CFHR3: variants seen among roughly 807,000 people sequenced by gnomAD.
CFHR3 encodes the protein complement factor H related 3.
Under a neutral mutation model 36.0 loss-of-function variants are expected in CFHR3, and 22 were observed. The observed-to-expected ratio is 0.61, with a 90% CI of 0.44 to 0.87. The LOEUF (loss-of-function observed/expected upper bound fraction) is 0.87. CFHR3 is among the 40% of genes least tolerant of loss of function. CFHR3 has a pLI of 0.00. For missense variants in CFHR3, 276 were observed against 401.3 expected (o/e 0.69, Z 2.67); for synonymous variants, 97 against 137.4 (o/e 0.71, Z 2.06).
At chr1:196,789,720 G>A in intron 4 of CFHR3, 1 of 1,453,146 alleles carries the variant, frequency 6.9e-7, no homozygotes, top group Non-Finnish European at 9.2e-7. Flanking sequence ...TCCATAGTGT[G>A]TGGTGAAGAT....
intron 3 of CFHR3, among the ~76,000 whole-genome samples, chr1:196,787,803 A>G (rs1045924797): frequency 7.3e-6 from 1 of 137,148 alleles, no homozygotes; most frequent in Non-Finnish European, 1.5e-5. Context: ...CTATGGTAGC[A>G]GGGTGTACCG....
intron 1 of CFHR3, among the ~76,000 whole-genome samples, chr1:196,777,251 A>G (rs1346513905): frequency 7.3e-6 from 1 of 137,228 alleles, no homozygotes; most frequent in Non-Finnish European, 1.5e-5. Context: ...CTTATTTAAA[A>G]ACAGGTTGTC....
In CFHR3 at chr1:196,786,072, G is replaced by T. The variant is rs1192761007; in HGVS notation, c.431-2144G>T. On this transcript the variant is annotated intron_variant, in intron 3 of 5. Transcript: ENST00000367425. ...TGGAGTTTGCTAGAGGTCCACTCTA[G>T]ACCCTGTTTGCCTGGGTATCTGCAG... Among the ~76,000 whole-genome samples, 3 of 136,778 alleles carry T rather than the reference G, an allele frequency of 2.2e-5. 1 individual carries two copies. The highest frequency in any genetic ancestry group is 6.1e-5 in the African/African-American group (2 of 32,632). 89.7% of individuals were successfully genotyped at this position (136,778 alleles called of 152,430 possible).
chr1:196,790,171 G>T lies in CFHR3; in HGVS notation c.740G>T (p.Gly247Val). ...TGCCAGCCCTACTATGAACTTCAGG[G>T]TTCTAATTATGTAACATGTAGTAAT... is the stretch of plus-strand genomic sequence containing the variant. ...YQCQPYYELQ[G>V]SNYVTCSNGE... Residue 247 changes from glycine (G) to valine (V), a missense_variant, in exon 5 of 6, where the codon GGT becomes GTT. This residue lies in a region of CFHR3 where 22 missense variants were observed against 74.3 expected (regional missense o/e 0.30). Transcript: ENST00000367425. 7.3e-7 allele frequency: 1 copy of T among 1,369,314 alleles called. No homozygotes were observed. The highest frequency in any genetic ancestry group is 9.7e-7 in the Non-Finnish European group (1 of 1,028,328). The allele number at this position is 1,369,314 out of a possible 1,614,324, so 84.8% of individuals were successfully genotyped here.
rs1243675836 is a variant in CFHR3 at position 196,792,881 on chromosome 1, A to G, written c.797-436A>G. Among the ~76,000 whole-genome samples, 10 of 137,362 alleles carry G rather than the reference A, an allele frequency of 7.3e-5. 2 individuals carry two copies. Among genetic ancestry groups the G allele is most frequent in the Admixed American group, 4.9e-4 (7 of 14,204 alleles). The allele number at this position is 137,362 out of a possible 152,430, so 90.1% of individuals were successfully genotyped here. ...TGTTTCTACATTGTGGGCATAAGAG[A>G]AAAATATAAACATAGAATTAAATTA... On this transcript the variant is annotated intron_variant, in intron 5 of 5. Transcript: ENST00000367425.
chr1:196,776,603 G>T lies in CFHR3; in HGVS notation c.58+1659G>T, dbSNP rs1485190949. ...ACCGTATAGGGAAAGATCACGCAAG[G>T]CATAGAGAGAAAACAACCATTTACA... On this transcript the variant is annotated intron_variant, in intron 1 of 5. Coordinates refer to ENST00000367425, the MANE Select transcript of CFHR3 (RefSeq NM_021023.6). 2.2e-5 allele frequency among the ~76,000 whole-genome samples: 3 copies of T among 135,936 alleles called. 1 individual carries two copies. Among genetic ancestry groups the T allele is most frequent in the Non-Finnish European group, 4.7e-5 (3 of 64,304 alleles). 89.2% of individuals were successfully genotyped at this position (135,936 alleles called of 152,430 possible).
chr1:196,779,472 T>A, intron 2 of CFHR3, 116 bp downstream of exon 2: 1 of 900,046 alleles, frequency 1.1e-6, no homozygotes, highest in Non-Finnish European at 1.7e-6. Context: ...AGAAATGAGT[T>A]GTTCAAGCAA....
chr1:196,794,728 A>C lies in CFHR3; in HGVS notation c.*1215A>C, dbSNP rs1367171616. On this transcript the variant is annotated 3_prime_UTR_variant, in exon 6 of 6. Transcript: ENST00000367425. Reference sequence around the variant, plus strand: ...TTGTATATCCCTGTTAACAAATTGAAATCTCTATTCACTTTAATAGATTTT... The same window carrying C: ...TTGTATATCCCTGTTAACAAATTGACATCTCTATTCACTTTAATAGATTTT... The C allele has an allele frequency of 3.5e-6, 1 of 283,984 alleles. No individual in the cohort carries two copies. The highest frequency in any genetic ancestry group is 2.9e-5 in the African/African-American group (1 of 34,140). The allele number at this position is 283,984 out of a possible 1,614,324, so 17.6% of individuals were successfully genotyped here.
At chr1:196,786,580 G>C (rs1336487742) in intron 3 of CFHR3, among the ~76,000 whole-genome samples, 2 of 136,044 alleles carry the variant, frequency 1.5e-5, no homozygotes, top group African/African-American at 6.2e-5. Flanking sequence ...CAATCAGAGA[G>C]ACTCCGTGGG....
intron 1 of CFHR3, among the ~76,000 whole-genome samples, chr1:196,776,972 C>G (rs1426086954): frequency 7.4e-6 from 1 of 134,422 alleles, no homozygotes; most frequent in African/African-American, 3.1e-5. Context: ...CTGTATTCAT[C>G]TATATTCAGA....
chr1:196,789,336 A>G, intron 4 of CFHR3: 1 of 891,832 alleles, frequency 1.1e-6, no homozygotes. Flanking sequence ...GATTATCTCA[A>G]TGTTATCATG....
chr1:196,782,740 C>A (rs560550988), intron 3 of CFHR3, among the ~76,000 whole-genome samples: 1 of 137,188 alleles, frequency 7.3e-6, no homozygotes, highest in South Asian at 2.5e-4. Flanking sequence ...ACAATCATGT[C>A]ACCTGCAAAC....
chr1:196,793,235 T>C, intron 5 of CFHR3, 82 bp from the exon 6 acceptor site: 4 of 1,214,390 alleles, frequency 3.3e-6, no homozygotes, highest in Non-Finnish European at 3.4e-6. Context: ...TTTTATTTTA[T>C]CCTAAACTAC....
At chr1:196,781,332 G>A (rs1389637714) in intron 3 of CFHR3, among the ~76,000 whole-genome samples, 2 of 135,396 alleles carry the variant, frequency 1.5e-5, no homozygotes, top group Non-Finnish European at 3.1e-5. Context: ...TGGGATGGCT[G>A]GGTCAAATGG....
chr1:196,775,037 CA>C lies in CFHR3; in HGVS notation c.58+96del. 4 of 1,109,624 alleles carry C rather than the reference CA, an allele frequency of 3.6e-6. 1 individual carries two copies. The highest frequency in any genetic ancestry group is 3.9e-6 in the Non-Finnish European group (3 of 763,502). 68.7% of individuals were successfully genotyped at this position (1,109,624 alleles called of 1,614,324 possible). A position where few individuals can be genotyped will look rare whatever the true frequency, so the allele number is the denominator to read the frequency against. ...GTATGTCTATAATTATTTTATGAAT[CA>C]AAGAGGATTTATTCACTATGCTAGT... On this transcript the variant is annotated intron_variant, in intron 1 of 5. Transcript: ENST00000367425.
In CFHR3 at chr1:196,793,212, G is replaced by T; in HGVS notation, c.797-105G>T. The stretch of plus-strand genomic sequence containing the variant: ...CAAGTTAATAACTATTAACTATTTG[G>T]ATTATTTTATAATTTTATTTTATCC... On this transcript the variant is annotated intron_variant, in intron 5 of 5. Transcript: ENST00000367425. 8 of 1,072,130 alleles carry T rather than the reference G, an allele frequency of 7.5e-6. 2 individuals are homozygous for T. The highest frequency in any genetic ancestry group is 3.6e-5 in the South Asian group (2 of 55,754). The allele number at this position is 1,072,130 out of a possible 1,614,324, so 66.4% of individuals were successfully genotyped here.
At position 196,793,844 on chromosome 1, in the gene CFHR3, A is replaced by G; in HGVS notation, c.*331A>G. The G allele has an allele frequency of 5.2e-6, 1 of 191,512 alleles. No individual in the cohort carries two copies. Among genetic ancestry groups the G allele is most frequent in the Non-Finnish European group, 1.0e-5 (1 of 99,418 alleles). The allele number at this position is 191,512 out of a possible 1,614,324, so 11.9% of individuals were successfully genotyped here. Reference sequence around the variant, plus strand: ...CTAGACATAGAAACAAAATGACTTTAGATTTTATTTGGGGAAGTAATAATA... The same window carrying G: ...CTAGACATAGAAACAAAATGACTTTGGATTTTATTTGGGGAAGTAATAATA... On this transcript the variant is annotated 3_prime_UTR_variant, in exon 6 of 6. Coordinates refer to ENST00000367425, the MANE Select transcript of CFHR3 (RefSeq NM_021023.6).
At position 196,788,395 on chromosome 1, in the gene CFHR3, A is replaced by G; in HGVS notation, c.610A>G (p.Ile204Val). The change falls in exon 4 of 6, where the codon ATT becomes GTT. Residue 204 changes from isoleucine to valine, a missense_variant. Physicochemically the swap from Ile to Val is conservative, Grantham distance 29. Around this residue, in one of 3 missense-constraint regions of CFHR3, gnomAD observed 178 missense variants for 247.2 expected, o/e 0.72. Transcript: ENST00000367425. ...QNGWSAQPIC[I>V]NSSEKCGPPP... ...TGGATGGTCAGCACAACCAATTTGCATTAGTAAGTGATTTACATATTCCCA... is the reference window on the plus strand; with the variant it reads ...TGGATGGTCAGCACAACCAATTTGCGTTAGTAAGTGATTTACATATTCCCA... The G allele has an allele frequency of 3.9e-6, 6 of 1,528,948 alleles. 1 individual carries two copies. The highest frequency in any genetic ancestry group is 5.3e-6 in the Non-Finnish European group (6 of 1,131,806). The allele number at this position is 1,528,948 out of a possible 1,614,324, so 94.7% of individuals were successfully genotyped here. A position where few individuals can be genotyped will look rare whatever the true frequency, so the allele number is the denominator to read the frequency against.
chr1:196,775,701 A>T (rs1653689518), intron 1 of CFHR3, among the ~76,000 whole-genome samples: 1 of 137,128 alleles, frequency 7.3e-6, no homozygotes, highest in Admixed American at 7.0e-5. Context: ...ATATTAAAGA[A>T]CTATATGGTA....
Sources: allele counts gnomAD v4.1 joint callset (sites outside exome capture counted in the v4.1 genomes callset), GRCh38; gene constraint gnomAD v4.1.1; regional missense constraint gnomAD v4.1.1; transcripts MANE v1.5; gene names NCBI Gene and HGNC (gene_info 2026-07-23, HGNC 2026-07-21).